Variants in SORBS2 observed in about 807,000 individuals in gnomAD.
SORBS2 encodes the protein sorbin and SH3 domain-containing protein 2.
In SORBS2, 46 loss-of-function variants were observed where a neutral mutation model predicts 97.7. The observed-to-expected ratio is 0.47, with a 90% confidence interval of 0.37 to 0.60. The LOEUF (loss-of-function observed/expected upper bound fraction) is 0.60. SORBS2 is among the 20% of genes least tolerant of loss of function. SORBS2 has a pLI of 0.00. For missense variants in SORBS2, 1,316 were observed against 1,282.3 expected (o/e 1.03, Z -0.40); for synonymous variants, 476 against 473.4 (o/e 1.01, Z -0.07).
At chr4:185,834,486 G>A (rs2099206899) in intron 1 of SORBS2, among the ~76,000 whole-genome samples, 1 of 151,994 alleles carries the variant, frequency 6.6e-6, no homozygotes, top group Non-Finnish European at 1.5e-5. Flanking sequence ...CTCTTGAAAA[G>A]TTTACATTCA....
At chr4:185,668,013 A>C (rs1295309962) in intron 4 of SORBS2, among the ~76,000 whole-genome samples, 2 of 152,178 alleles carry the variant, frequency 1.3e-5, no homozygotes, top group African/African-American at 2.4e-5. Context: ...GTTTCCATGT[A>C]ATACGAATCT....
chr4:185,658,314 G>A (rs146396221), upstream of SORBS2, among the ~76,000 whole-genome samples: 2 of 152,090 alleles, frequency 1.3e-5, no homozygotes, highest in Admixed American at 6.5e-5. Flanking sequence ...GAGGCTTATC[G>A]AGTTCTTCAT....
At chr4:185,698,664 CTGTT>C (rs1417380141) in intron 2 of SORBS2, among the ~76,000 whole-genome samples, 2 of 152,140 alleles carry the variant, frequency 1.3e-5, no homozygotes, top group African/African-American at 4.8e-5. Context: ...GAAGGCAAAA[CTGTT>C]TGATAAATAA....
intron 1 of SORBS2, among the ~76,000 whole-genome samples, chr4:185,793,390 A>G (rs921309327): frequency 2.1e-4 from 32 of 152,218 alleles, no homozygotes; most frequent in African/African-American, 7.5e-4. Flanking sequence ...CACATAATTT[A>G]TCTCCAGATG....
At chr4:185,683,948 T>C (rs939480464) in intron 2 of SORBS2, among the ~76,000 whole-genome samples, 16 of 152,200 alleles carry the variant, frequency 1.1e-4, no homozygotes, top group Non-Finnish European at 1.6e-4. Flanking sequence ...ACTTCTGCTG[T>C]AAGACCCATT....
At chr4:185,648,091 A>G (rs1323887220) in intron 3 of SORBS2, among the ~76,000 whole-genome samples, 1 of 151,544 alleles carries the variant, frequency 6.6e-6, no homozygotes, top group Non-Finnish European at 1.5e-5. Context: ...GCTGTGCCCT[A>G]TATGATCATC....
intron 1 of SORBS2, among the ~76,000 whole-genome samples, chr4:185,825,407 G>A (rs11732469): frequency 0.23 from 35,241 of 152,030 alleles, 4,774 homozygotes; most frequent in East Asian, 0.64. Context: ...CTTAAAAAAT[G>A]TATGACTTCC....
At chr4:185,595,090 C>T (rs1251371422) in intron 12 of SORBS2, among the ~76,000 whole-genome samples, 1 of 152,164 alleles carries the variant, frequency 6.6e-6, no homozygotes, top group Non-Finnish European at 1.5e-5. Context: ...GTCTACGAGT[C>T]AATGATTCAC....
At chr4:185,884,851 C>T (rs1462813500) in intron 1 of SORBS2, among the ~76,000 whole-genome samples, 1 of 152,154 alleles carries the variant, frequency 6.6e-6, no homozygotes. Flanking sequence ...TCTTTCAGTT[C>T]TTGGGAGAAT....
chr4:185,825,541 G>C, intron 1 of SORBS2, among the ~76,000 whole-genome samples: 1 of 152,170 alleles, frequency 6.6e-6, no homozygotes, highest in East Asian at 1.9e-4. Context: ...CCTGAAAGTC[G>C]ATCAGAAGGA....
intron 5 of SORBS2, among the ~76,000 whole-genome samples, chr4:185,629,802 C>G (rs1264812297): frequency 6.6e-6 from 1 of 151,938 alleles, no homozygotes; most frequent in Non-Finnish European, 1.5e-5. Context: ...ACCTCATGAT[C>G]TTCCCCCCTC....
chr4:185,645,885 A>C (rs1157324878), intron 4 of SORBS2: 2 of 152,240 alleles, frequency 1.3e-5, no homozygotes, highest in African/African-American at 4.8e-5. Flanking sequence ...TTGGGGAATC[A>C]AAACCAAAGA....
intron 1 of SORBS2, among the ~76,000 whole-genome samples, chr4:185,812,602 G>T (rs1271005699): frequency 6.6e-6 from 1 of 152,212 alleles, no homozygotes; most frequent in African/African-American, 2.4e-5. Context: ...TCCAGTCATA[G>T]AATGAGTGCA....
chr4:185,691,455 G>T (rs1013759471), intron 2 of SORBS2, among the ~76,000 whole-genome samples: 2 of 152,144 alleles, frequency 1.3e-5, no homozygotes, highest in Non-Finnish European at 2.9e-5. Context: ...CCTGTTAAGT[G>T]TCCTCTTCCA....
intron 1 of SORBS2, among the ~76,000 whole-genome samples, chr4:185,943,712 T>C (rs950026485): frequency 2.0e-5 from 3 of 152,136 alleles, no homozygotes; most frequent in Non-Finnish European, 2.9e-5. Context: ...AAAAGAACAA[T>C]TGAAAAAGAC....
intron 2 of SORBS2, among the ~76,000 whole-genome samples, chr4:185,740,576 A>C (rs1295391649): frequency 6.6e-6 from 1 of 152,194 alleles, no homozygotes; most frequent in East Asian, 1.9e-4. Flanking sequence ...GGGAGCCCCA[A>C]ATGCAAAATA....
At chr4:185,942,154 C>A (rs558217763) in intron 1 of SORBS2, among the ~76,000 whole-genome samples, 1 of 151,972 alleles carries the variant, frequency 6.6e-6, no homozygotes, top group South Asian at 2.1e-4. Context: ...AGAAACTAAG[C>A]AAGATACTGA....
chr4:185,891,080 T>C (rs143875618), intron 1 of SORBS2, among the ~76,000 whole-genome samples: 1 of 152,298 alleles, frequency 6.6e-6, no homozygotes, highest in African/African-American at 2.4e-5. Flanking sequence ...TAAAATGTTA[T>C]GAGTTTCAGA....
intron 1 of SORBS2, among the ~76,000 whole-genome samples, chr4:185,890,609 C>G (rs556318833): frequency 6.6e-6 from 1 of 152,218 alleles, no homozygotes; most frequent in African/African-American, 2.4e-5. Flanking sequence ...GACGTGATCA[C>G]GCTCCACTCA....
Sources: allele counts gnomAD v4.1 joint callset (sites outside exome capture counted in the v4.1 genomes callset), GRCh38; gene constraint gnomAD v4.1.1; transcripts MANE v1.5; gene names NCBI Gene and HGNC (gene_info 2026-07-23, HGNC 2026-07-21).